Variants in SRP54 observed in about 807,000 individuals in gnomAD.
SRP54 encodes signal recognition particle subunit SRP54.
A neutral mutation model predicts 64.8 loss-of-function variants in SRP54; 10 were observed. That is an observed-to-expected ratio of 0.15 (90% CI 0.10 to 0.26). The LOEUF (loss-of-function observed/expected upper bound fraction) is 0.26, where lower values mean the gene tolerates loss of function less well. Ranked by LOEUF, SRP54 falls within the 10% of genes least tolerant of loss-of-function variation. The pLI, the probability that SRP54 is intolerant of heterozygous loss-of-function variation, is 1.00. For synonymous variants in SRP54, 193 were observed against 185.6 expected (o/e 1.04, Z -0.32); for missense variants, 325 against 613.7 (o/e 0.53, Z 4.97).
intron 4 of SRP54, among the ~76,000 whole-genome samples, chr14:35,005,202 A>G (rs1450992261): frequency 6.6e-6 from 1 of 152,152 alleles, no homozygotes; most frequent in Non-Finnish European, 1.5e-5. Context: ...ACATCATGGC[A>G]TATGCCTGTA....
chr14:34,984,315 A>C (rs2043859154), intron 1 of SRP54, among the ~76,000 whole-genome samples: 1 of 152,144 alleles, frequency 6.6e-6, no homozygotes, highest in Non-Finnish European at 1.5e-5. Context: ...GAGAAAGGGA[A>C]AGGGAATTAG....
chr14:35,001,296 C>T lies in SRP54; in HGVS notation c.255+276C>T, dbSNP rs149344644. ...CCTCCCGAGTAGCTGGGATTACAGA[C>T]GTGCACCACCATGCCCGGCTAATTC... is the stretch of plus-strand genomic sequence containing the variant. On this transcript the variant is annotated intron_variant, in intron 4 of 15. Transcript: ENST00000216774. 5.9e-3 allele frequency among the ~76,000 whole-genome samples: 884 copies of T among 150,538 alleles called. 22 individuals are homozygous for T. In the East Asian group the frequency reaches 0.065, roughly 11 times the overall value.
rs560277208 is a variant in SRP54 at position 34,998,720 on chromosome 14, G to C, written c.79-838G>C. Among the ~76,000 whole-genome samples, 441 of 151,820 alleles carry C rather than the reference G, an allele frequency of 2.9e-3. 2 individuals are homozygous for C. The highest frequency in any genetic ancestry group is 0.01 in the African/African-American group (424 of 41,424). ...CCCAGCTACTAGGGAGGCTGAGACA[G>C]GAGAATCTCTTGAATCTGGGAGGCG... On this transcript the variant is annotated intron_variant, in intron 2 of 15. Coordinates refer to ENST00000216774, the MANE Select transcript of SRP54 (RefSeq NM_003136.4).
At chr14:34,988,578 A>ATATAT (rs1555352767) in intron 1 of SRP54, among the ~76,000 whole-genome samples, 1 of 47,098 alleles carries the variant, frequency 2.1e-5, no homozygotes, top group African/African-American at 6.7e-5. Flanking sequence ...AAAAAAAAAA[A>ATATAT]ATATATATAT....
At chr14:35,015,501 C>T (rs2044424060) in intron 11 of SRP54, among the ~76,000 whole-genome samples, 1 of 152,208 alleles carries the variant, frequency 6.6e-6, no homozygotes, top group Admixed American at 6.5e-5. Flanking sequence ...TGATTAGGAG[C>T]TCAGGTTCTT....
intron 1 of SRP54, among the ~76,000 whole-genome samples, chr14:34,995,933 C>T (rs1291754884): frequency 6.6e-6 from 1 of 151,980 alleles, no homozygotes; most frequent in African/African-American, 2.4e-5. Context: ...GGCATGGTGG[C>T]ATGCACCTGT....
intron 4 of SRP54, 69 bp from the exon 5 acceptor site, chr14:35,007,214 T>G: frequency 9.4e-7 from 1 of 1,061,046 alleles, no homozygotes; most frequent in Non-Finnish European, 1.4e-6. Flanking sequence ...AAAAAAGTTG[T>G]GGGGAAGGGG....
chr14:34,987,251 ATATATATATGTGTGTGTGTGTGTG>A (rs1458920439), intron 1 of SRP54, among the ~76,000 whole-genome samples: 1 of 118,838 alleles, frequency 8.4e-6, no homozygotes, highest in Non-Finnish European at 1.9e-5. Context: ...AAAAAAATAT[ATATATATATGTGTGTGTGTGTGTG>A]TATATATATA....
chr14:35,005,668 G>A (rs955044227), intron 4 of SRP54, among the ~76,000 whole-genome samples: 2 of 152,070 alleles, frequency 1.3e-5, no homozygotes, highest in Admixed American at 6.6e-5. Flanking sequence ...TGAAAGGGCC[G>A]GGATTATAGG....
In SRP54 at chr14:35,023,093, A is replaced by AC. The variant is rs781268994; in HGVS notation, c.1327+13_1327+14insC. On this transcript the variant is annotated intron_variant, in intron 14 of 15. Transcript: ENST00000216774. ...GGACTTTTCAAAGGTAAGAAAAATAAGCTTGTTATTAGTTAACAGACGGAA... is the reference window on the plus strand; with the variant it reads ...GGACTTTTCAAAGGTAAGAAAAATAACGCTTGTTATTAGTTAACAGACGGAA... 8.8e-6 allele frequency: 14 copies of AC among 1,585,874 alleles called. No individual in the cohort carries two copies. The African/African-American group carries it at 1.6e-4, about 18-fold the overall frequency.
intron 1 of SRP54, among the ~76,000 whole-genome samples, chr14:34,995,462 G>A (rs79380504): frequency 0.077 from 11,770 of 152,122 alleles, 603 homozygotes; most frequent in Non-Finnish European, 0.12. Context: ...CAGTCAGACA[G>A]GAGGAATTCT....
At chr14:35,016,823 C>CTTTG (rs1450428841) in intron 11 of SRP54, among the ~76,000 whole-genome samples, 1 of 142,448 alleles carries the variant, frequency 7.0e-6, no homozygotes, top group Non-Finnish European at 1.5e-5. Flanking sequence ...TTGCCTGTCT[C>CTTTG]TTTGCCCCTT....
intron 14 of SRP54, 41 bp downstream of exon 14, chr14:35,023,121 G>T: frequency 6.7e-7 from 1 of 1,499,718 alleles, no homozygotes; most frequent in Non-Finnish European, 9.0e-7. Flanking sequence ...AGACGGAAAA[G>T]AAAGGAAGTT....
chr14:34,987,189 C>T (rs1283069211), intron 1 of SRP54, among the ~76,000 whole-genome samples: 2 of 147,126 alleles, frequency 1.4e-5, no homozygotes, highest in African/African-American at 2.5e-5. Flanking sequence ...CGAGATCTTG[C>T]CACTGCACTC....
chr14:34,998,973 ATGTGTGTGTGTGTGTG>A (rs34646567), intron 2 of SRP54, among the ~76,000 whole-genome samples: 5 of 63,656 alleles, frequency 7.9e-5, no homozygotes, highest in African/African-American at 1.4e-4. Flanking sequence ...CTTTGTGTGT[ATGTGTGTGTGTGTGTG>A]TGTGTGTGTG....
rs975664879 is a variant in SRP54, at chr14:35,013,445, A to G, written c.736A>G (p.Ile246Val). ...FKDKVDVASVIVTKLDGHAKG... is the reference protein window; with the variant it reads ...FKDKVDVASVVVTKLDGHAKG... Reference sequence around the variant, plus strand: ...AGATAAAGTAGATGTAGCCTCAGTAATAGTGACAAAACTTGATGGCCATGC... The same window carrying G: ...AGATAAAGTAGATGTAGCCTCAGTAGTAGTGACAAAACTTGATGGCCATGC... Residue 246 changes from isoleucine to valine, a missense_variant, in exon 9 of 16, where the codon ATA becomes GTA. Physicochemically the swap from Ile to Val is conservative, Grantham distance 29 (BLOSUM62 3). Around this residue, in one of 3 missense-constraint regions of SRP54, gnomAD observed 146 missense variants for 337.4 expected, o/e 0.43. Transcript: ENST00000216774. 2.5e-6 allele frequency: 4 copies of G among 1,614,104 alleles called. No homozygotes were observed. The Admixed American group carries it at 5.0e-5, about 20-fold the overall frequency.
Position 35,029,412 on chromosome 14 carries a change from A to C in SRP54, c.*260A>C. The C allele has an allele frequency of 3.1e-6, 1 of 319,984 alleles. No individual in the cohort carries two copies. The highest frequency in any genetic ancestry group is 5.7e-6 in the Non-Finnish European group (1 of 174,678). 19.8% of individuals were successfully genotyped at this position (319,984 alleles called of 1,614,324 possible). On this transcript the variant is annotated 3_prime_UTR_variant, in exon 16 of 16. Transcript: ENST00000216774. ...ATTTTCTTCTGTTTTCACCATCATA[A>C]CACTTAAGTTAAATCATGATGTAAA...
chr14:35,014,936 C>A, intron 11 of SRP54, 106 bp downstream of exon 11: 3 of 697,710 alleles, frequency 4.3e-6, no homozygotes, highest in Non-Finnish European at 7.1e-6. Context: ...AGAGTCAGAT[C>A]TTCCACTGCT....
At chr14:35,001,057 T>C (rs747330348) in intron 4 of SRP54, 37 bp downstream of exon 4, 3 of 1,131,242 alleles carry the variant, frequency 2.7e-6, no homozygotes, top group Non-Finnish European at 3.8e-6. Flanking sequence ...GATTCTATAC[T>C]CAGTGGATAA....
Sources: gnomAD v4.1 joint callset for allele counts (sites outside exome capture counted in the v4.1 genomes callset) on GRCh38, gnomAD v4.1.1 for gene constraint, gnomAD v4.1.1 regional missense constraint, MANE v1.5 for transcripts, NCBI Gene and HGNC (gene_info 2026-07-23, HGNC 2026-07-21) for gene names.